The following ZNF804B variants were observed in gnomAD, a reference collection of about 807,000 sequenced individuals.
ZNF804B encodes the protein zinc finger protein 804B.
A neutral mutation model predicts 101.4 loss-of-function variants in ZNF804B; 80 were observed. The ratio of observed to expected loss-of-function variants is 0.79; its 90% confidence interval spans 0.66 to 0.95. The LOEUF is 0.95. Ranked by LOEUF, ZNF804B falls within the 40% of genes least tolerant of loss-of-function variation. The probability of loss-of-function intolerance (pLI) is 0.00; values close to 1 mark genes in which losing one functional copy is unlikely to be tolerated. For synonymous variants in ZNF804B, 622 were observed against 558.8 expected, an observed-to-expected ratio of 1.11 and a Z score of -1.59; for missense variants, 1,673 against 1,561.9, an observed-to-expected ratio of 1.07 and a Z score of -1.20.
intron 1 of ZNF804B, among the ~76,000 whole-genome samples, chr7:88,921,909 A>G (rs1792725704): frequency 4.6e-5 from 7 of 152,218 alleles, no homozygotes; most frequent in African/African-American, 1.7e-4. Flanking sequence ...ATATATAACT[A>G]GCTGTGCCTC....
At chr7:88,939,448 G>A (rs1322115743) in intron 1 of ZNF804B, among the ~76,000 whole-genome samples, 1 of 151,756 alleles carries the variant, frequency 6.6e-6, no homozygotes, top group Non-Finnish European at 1.5e-5. Flanking sequence ...TGAAAATATT[G>A]TTTTTATTTT....
chr7:89,233,961 G>A (rs116040248), intron 2 of ZNF804B, among the ~76,000 whole-genome samples: 160 of 152,288 alleles, frequency 1.1e-3, no homozygotes, highest in African/African-American at 3.5e-3. Flanking sequence ...CTACTCCAGT[G>A]CATAGAGTAA....
intron 1 of ZNF804B, among the ~76,000 whole-genome samples, chr7:89,120,242 C>T (rs1790380103): frequency 6.6e-6 from 1 of 152,010 alleles, no homozygotes; most frequent in African/African-American, 2.4e-5. Flanking sequence ...GAGCGGAGAT[C>T]GCACCACTGC....
chr7:88,915,453 T>C (rs1278679708), intron 1 of ZNF804B, among the ~76,000 whole-genome samples: 1 of 152,050 alleles, frequency 6.6e-6, no homozygotes, highest in Non-Finnish European at 1.5e-5. Context: ...GTTCACATTA[T>C]GGACAAATTA....
chr7:89,298,214 GTGTATATATATATATA>G (rs1277755679), intron 2 of ZNF804B, among the ~76,000 whole-genome samples: 22 of 58,684 alleles, frequency 3.7e-4, no homozygotes, highest in Middle Eastern at 0.01. Flanking sequence ...GTGTGTGTGT[GTGTATATATATATATA>G]TATATATATA....
intron 1 of ZNF804B, among the ~76,000 whole-genome samples, chr7:89,069,642 T>C (rs1789505324): frequency 6.6e-6 from 1 of 152,166 alleles, no homozygotes; most frequent in African/African-American, 2.4e-5. Flanking sequence ...CAATATTCCA[T>C]TTTATGATTG....
At chr7:89,331,595 C>A (rs1790983331) in intron 3 of ZNF804B, among the ~76,000 whole-genome samples, 1 of 151,482 alleles carries the variant, frequency 6.6e-6, no homozygotes, top group Admixed American at 6.6e-5. Flanking sequence ...AAAATTACAG[C>A]CATTCATGAA....
chr7:88,988,069 G>A (rs964468080), intron 1 of ZNF804B, among the ~76,000 whole-genome samples: 1 of 151,642 alleles, frequency 6.6e-6, no homozygotes, highest in African/African-American at 2.4e-5. Context: ...ATGAGAACAT[G>A]CGATATTTGT....
At chr7:88,890,876 C>T (rs1792204752) in intron 1 of ZNF804B, among the ~76,000 whole-genome samples, 1 of 152,028 alleles carries the variant, frequency 6.6e-6, no homozygotes, top group Admixed American at 6.6e-5. Context: ...ACAAATCATG[C>T]ATATGTTAGA....
chr7:88,799,449 G>A (rs1177599180), intron 1 of ZNF804B, among the ~76,000 whole-genome samples: 1 of 151,970 alleles, frequency 6.6e-6, no homozygotes, highest in East Asian at 1.9e-4. Flanking sequence ...GTAAAGAGGA[G>A]GTAAATTATC....
chr7:89,266,711 A>G (rs563700756), intron 2 of ZNF804B, among the ~76,000 whole-genome samples: 6 of 152,166 alleles, frequency 3.9e-5, no homozygotes, highest in African/African-American at 7.2e-5. Flanking sequence ...TTATCCACAT[A>G]TGCTTTCTCT....
At chr7:89,099,816 A>G (rs1232631787) in intron 1 of ZNF804B, among the ~76,000 whole-genome samples, 4 of 152,176 alleles carry the variant, frequency 2.6e-5, no homozygotes, top group Non-Finnish European at 5.9e-5. Context: ...GATGAGATGT[A>G]ATACAGAAGC....
chr7:89,201,980 T>G (rs893797645), intron 1 of ZNF804B, among the ~76,000 whole-genome samples: 1 of 152,096 alleles, frequency 6.6e-6, no homozygotes, highest in Admixed American at 6.6e-5. Context: ...TTTAAATGCC[T>G]AACATACGAT....
chr7:89,196,045 A>T (rs1788546044), intron 1 of ZNF804B, among the ~76,000 whole-genome samples: 1 of 152,142 alleles, frequency 6.6e-6, no homozygotes, highest in African/African-American at 2.4e-5. Context: ...CAGAATTAGA[A>T]AAAACTATCT....
intron 1 of ZNF804B, among the ~76,000 whole-genome samples, chr7:88,769,231 T>A (rs750454235): frequency 6.6e-5 from 10 of 152,210 alleles, no homozygotes; most frequent in Non-Finnish European, 7.4e-5. Flanking sequence ...TGTTCCCTTT[T>A]GTCCTGGTGG....
chr7:88,969,974 G>C (rs1056613239), intron 1 of ZNF804B, among the ~76,000 whole-genome samples: 3 of 151,244 alleles, frequency 2.0e-5, no homozygotes, highest in Non-Finnish European at 4.4e-5. Context: ...AACCTGAAGA[G>C]GTAACACTCA....
At chr7:89,168,465 T>G (rs1185857152) in intron 1 of ZNF804B, among the ~76,000 whole-genome samples, 1 of 152,104 alleles carries the variant, frequency 6.6e-6, no homozygotes, top group African/African-American at 2.4e-5. Flanking sequence ...TTTTATTTAT[T>G]TTAGGTGTTT....
chr7:89,259,757 C>A (rs1055814779), intron 2 of ZNF804B, among the ~76,000 whole-genome samples: 1 of 152,074 alleles, frequency 6.6e-6, no homozygotes, highest in Admixed American at 6.5e-5. Context: ...TCGAGGCAGG[C>A]AGATCACCTG....
chr7:88,991,743 T>C (rs1793849913), intron 1 of ZNF804B, among the ~76,000 whole-genome samples: 1 of 152,126 alleles, frequency 6.6e-6, no homozygotes, highest in Admixed American at 6.6e-5. Context: ...TTCAGTTCTT[T>C]CCTGTGCAAA....
Sources: gnomAD v4.1 joint callset for allele counts (sites outside exome capture counted in the v4.1 genomes callset) on GRCh38, gnomAD v4.1.1 for gene constraint, MANE v1.5 for transcripts, NCBI Gene and HGNC (gene_info 2026-07-23, HGNC 2026-07-21) for gene names.